Variants in HAUS7 observed in about 807,000 individuals in gnomAD.
The protein encoded by HAUS7 is HAUS augmin-like complex subunit 7.
Under a neutral mutation model 28.4 loss-of-function variants are expected in HAUS7, and 3 were observed. The ratio of observed to expected loss-of-function variants is 0.11; its 90% CI spans 0.05 to 0.27. HAUS7 has a LOEUF of 0.27. Ranked by LOEUF, HAUS7 falls within the 10% of genes least tolerant of loss-of-function variation. The pLI, the probability that HAUS7 is intolerant of heterozygous loss-of-function variation, is 1.00. For missense variants in HAUS7, 284 were observed against 297.3 expected (o/e 0.96, Z 0.33); for synonymous variants, 165 against 132.1 (o/e 1.25, Z -1.71).
chrX:153,494,340 C>T lies in HAUS7; in HGVS notation c.-589+1034G>A, dbSNP rs1013962776. ...AGTTCAGGGCAGGCAAGCTGGGGAG[C>T]CCCCTGCCCCGTCCTGCCACCACCA... On this transcript the variant is annotated intron_variant, in intron 1 of 5. Coordinates refer to the HAUS7 transcript ENST00000370210. Among the ~76,000 whole-genome samples, 15 of 112,779 alleles carry T rather than the reference C, an allele frequency of 1.3e-4. No homozygotes were observed. In the East Asian group the frequency reaches 3.4e-3, roughly 25 times the overall value.
At chrX:153,477,228 C>A (rs1278002561) in intron 1 of HAUS7, among the ~76,000 whole-genome samples, 1 of 113,604 alleles carries the variant, frequency 8.8e-6, no homozygotes, top group Non-Finnish European at 1.9e-5. Context: ...AGGCTTCCCC[C>A]ACCCCCAGCC....
intron 1 of HAUS7, among the ~76,000 whole-genome samples, chrX:153,475,981 C>T (rs781918169): frequency 8.9e-6 from 1 of 112,310 alleles, no homozygotes; most frequent in South Asian, 3.7e-4. Context: ...CGGTGGCTCC[C>T]ACCTCCTACC....
chrX:153,474,803 G>A (rs2089551885), upstream of HAUS7, among the ~76,000 whole-genome samples: 1 of 108,735 alleles, frequency 9.2e-6, no homozygotes, highest in South Asian at 3.9e-4. Flanking sequence ...TGGCGGGCGG[G>A]GGCGAGCGCT....
chrX:153,454,994 G>A (rs1042974467), intron 8 of HAUS7: 4 of 1,019,004 alleles, frequency 3.9e-6, no homozygotes, highest in African/African-American at 1.9e-5. Context: ...GCAGAGTTGC[G>A]CACGTGGGAA....
At chrX:153,491,557 G>A (rs1556989592) in intron 1 of HAUS7, among the ~76,000 whole-genome samples, 1 of 112,289 alleles carries the variant, frequency 8.9e-6, no homozygotes, top group East Asian at 2.8e-4. Flanking sequence ...CCATCCTTCC[G>A]TCCCATGGCT....
At chrX:153,454,728 G>T in intron 8 of HAUS7, 1 of 499,386 alleles carries the variant, frequency 2.0e-6, no homozygotes, top group East Asian at 3.6e-5. Context: ...CTGGCCCAGT[G>T]GGGATGCCAC....
At chrX:153,480,652 AT>A in intron 1 of HAUS7, 1 of 753,339 alleles carries the variant, frequency 1.3e-6, no homozygotes, top group East Asian at 1.5e-4. Flanking sequence ...CAGTTGCGGG[AT>A]CAGCCCACCC....
chrX:153,494,588 G>A (rs1167058176), intron 1 of HAUS7, among the ~76,000 whole-genome samples: 4 of 111,792 alleles, frequency 3.6e-5, no homozygotes, highest in Non-Finnish European at 3.8e-5. Context: ...CCTCCCCCTC[G>A]TCTTTCTTCC....
intron 1 of HAUS7, among the ~76,000 whole-genome samples, chrX:153,494,739 AGG>A (rs782707145): frequency 1.1e-4 from 3 of 26,216 alleles, no homozygotes; most frequent in Non-Finnish European, 1.7e-4. Flanking sequence ...CAGGCGGGGG[AGG>A]GGGGGGGAGG....
chrX:153,469,974 C>A lies in HAUS7; in HGVS notation c.108+476G>T, dbSNP rs996146574. Among the ~76,000 whole-genome samples the A allele has an allele frequency of 1.2e-4, 13 of 111,405 alleles. No individual in the cohort carries two copies. The East Asian group carries it at 3.7e-3, about 32-fold the overall frequency. On this transcript the variant is annotated intron_variant, in intron 1 of 9. Coordinates refer to ENST00000370211, the MANE Select transcript of HAUS7 (RefSeq NM_001385482.1). ...TCCCTAACCTCGTGGGCCAGCTTTC[C>A]TCACTGCTGCAGTGAGGGCTCTGTC...
chrX:153,482,758 T>C, intron 1 of HAUS7: 4 of 755,760 alleles, frequency 5.3e-6, no homozygotes, highest in Non-Finnish European at 3.1e-6. Context: ...GGGAACCAGC[T>C]GCGTGACAGG....
At position 153,482,825 on chromosome X, in the gene HAUS7, C is replaced by T. The variant is rs191229473; in HGVS notation, c.-588-11680G>A. On this transcript the variant is annotated intron_variant, in intron 1 of 5. Transcript: ENST00000370210. ...CAGCCTGCTCTATCTGAGGCTGGACCGGAACCGGCTGCGGGCCATCCCACG... is the reference window on the plus strand; with the variant it reads ...CAGCCTGCTCTATCTGAGGCTGGACTGGAACCGGCTGCGGGCCATCCCACG... 2.6e-3 allele frequency: 1,752 copies of T among 684,183 alleles called. 27 individuals are homozygous for T. In the African/African-American group the frequency reaches 0.036, roughly 14 times the overall value. The allele number at this position is 684,183 out of a possible 1,213,427, so 56.4% of individuals were successfully genotyped here. A position where few individuals can be genotyped will look rare whatever the true frequency, so the allele number is the denominator to read the frequency against.
chrX:153,456,743 T>C, intron 5 of HAUS7, 92 bp from the exon 6 acceptor site: 3 of 706,908 alleles, frequency 4.2e-6, no homozygotes, highest in Non-Finnish European at 6.3e-6. Flanking sequence ...CAGAAGCACA[T>C]CGGGGCCAGG....
At chrX:153,492,713 C>G (rs1344477749) in intron 1 of HAUS7, among the ~76,000 whole-genome samples, 1 of 110,389 alleles carries the variant, frequency 9.1e-6, no homozygotes, top group Admixed American at 9.5e-5. Flanking sequence ...CGCCGCCTGG[C>G]TCCCCTGTGT....
chrX:153,466,449 G>A (rs1010263472), intron 2 of HAUS7, among the ~76,000 whole-genome samples: 1 of 112,146 alleles, frequency 8.9e-6, no homozygotes, highest in Non-Finnish European at 1.9e-5. Context: ...AAAGCCACAG[G>A]GCCTTGACCT....
chrX:153,485,788 C>T, intron 1 of HAUS7: 1 of 886,874 alleles, frequency 1.1e-6, no homozygotes, highest in South Asian at 2.7e-5. Flanking sequence ...AGACCCTTGA[C>T]CTGTCCTACA....
intron 4 of HAUS7, among the ~76,000 whole-genome samples, chrX:153,458,345 C>A (rs1556982716): frequency 8.8e-6 from 1 of 113,047 alleles, no homozygotes; most frequent in African/African-American, 3.2e-5. Flanking sequence ...CGGGCTGCCA[C>A]GTCCCCACAG....
In HAUS7 at chrX:153,457,658, G is replaced by A. The variant is rs148841863; in HGVS notation, c.355-430C>T. 5.8e-3 allele frequency among the ~76,000 whole-genome samples: 654 copies of A among 113,191 alleles called. 9 individuals carry two copies. The highest frequency in any genetic ancestry group is 0.037 in the Middle Eastern group (8 of 218). ...CAGATGAAGCCGACAGGATGGGGCT[G>A]AGAGGTGGCCTGCTTTCCAGCCAGG... is the stretch of plus-strand genomic sequence containing the variant. On this transcript the variant is annotated intron_variant, in intron 4 of 9. Transcript: ENST00000370211.
At chrX:153,457,646 C>A (rs2089332680) in intron 4 of HAUS7, among the ~76,000 whole-genome samples, 1 of 113,193 alleles carries the variant, frequency 8.8e-6, no homozygotes, top group Non-Finnish European at 1.9e-5. Context: ...ATGAAGCCGA[C>A]AGGATGGGGC....
Sources: gnomAD v4.1 joint callset for allele counts (sites outside exome capture counted in the v4.1 genomes callset) on GRCh38, gnomAD v4.1.1 for gene constraint, MANE v1.5 for transcripts, NCBI Gene and HGNC (gene_info 2026-07-23, HGNC 2026-07-21) for gene names.